MARCHF1: variants seen among roughly 807,000 people sequenced by gnomAD.
MARCHF1 encodes the protein E3 ubiquitin-protein ligase MARCHF1.
Under a neutral mutation model 54.2 loss-of-function variants are expected in MARCHF1, and 40 were observed. The ratio of observed to expected loss-of-function variants is 0.74; its 90% confidence interval spans 0.57 to 0.96. The LOEUF (loss-of-function observed/expected upper bound fraction) is 0.96. Ranked by LOEUF, MARCHF1 falls within the 40% of genes least tolerant of loss-of-function variation. The pLI is 0.00. For missense variants in MARCHF1, 586 were observed against 656.5 expected (o/e 0.89, Z 1.17); for synonymous variants, 236 against 236.3 (o/e 1.00, Z 0.01).
At chr4:163,789,686 A>G (rs957428833) in intron 4 of MARCHF1, among the ~76,000 whole-genome samples, 1 of 151,982 alleles carries the variant, frequency 6.6e-6, no homozygotes, top group African/African-American at 2.4e-5. Context: ...ATACATGCCT[A>G]TGAAAAAGTT....
chr4:163,572,088 A>G (rs546014285), intron 8 of MARCHF1, among the ~76,000 whole-genome samples: 5 of 152,158 alleles, frequency 3.3e-5, no homozygotes, highest in Non-Finnish European at 4.4e-5. Flanking sequence ...AAATTTAAAA[A>G]AATATATAGA....
At chr4:163,915,941 C>G (rs906440512) in intron 3 of MARCHF1, among the ~76,000 whole-genome samples, 21 of 152,076 alleles carry the variant, frequency 1.4e-4, no homozygotes, top group African/African-American at 5.1e-4. Flanking sequence ...ATTTAAGAAC[C>G]TGAATATAGA....
At chr4:164,083,759 T>G (rs1755144992) in intron 2 of MARCHF1, among the ~76,000 whole-genome samples, 1 of 151,992 alleles carries the variant, frequency 6.6e-6, no homozygotes, top group African/African-American at 2.4e-5. Context: ...TTCAGTCACA[T>G]TTTCAAAAAC....
At chr4:164,047,915 C>T (rs1754275793) in intron 2 of MARCHF1, among the ~76,000 whole-genome samples, 2 of 152,078 alleles carry the variant, frequency 1.3e-5, no homozygotes, top group Admixed American at 1.3e-4. Context: ...ATTTGTAGCT[C>T]CATGAGAAAT....
At chr4:163,558,045 T>C (rs17657218) in intron 8 of MARCHF1, among the ~76,000 whole-genome samples, 4,127 of 152,162 alleles carry the variant, frequency 0.027, 109 homozygotes, top group East Asian at 0.13. Flanking sequence ...AAAGAAAAAT[T>C]TGGGTTCTGT....
intron 4 of MARCHF1, among the ~76,000 whole-genome samples, chr4:163,745,988 G>A (rs547164420): frequency 6.6e-6 from 1 of 152,174 alleles, no homozygotes; most frequent in East Asian, 1.9e-4. Context: ...TGGTACATTT[G>A]TTACATCAGT....
At chr4:163,792,334 C>T (rs1293716071) in intron 4 of MARCHF1, among the ~76,000 whole-genome samples, 1 of 152,096 alleles carries the variant, frequency 6.6e-6, no homozygotes, top group Non-Finnish European at 1.5e-5. Flanking sequence ...ATTAAATGGT[C>T]ATCTTAATTT....
intron 5 of MARCHF1, among the ~76,000 whole-genome samples, chr4:163,615,214 G>T (rs139525163): frequency 1.3e-5 from 2 of 152,152 alleles, no homozygotes; most frequent in Non-Finnish European, 2.9e-5. Context: ...CCCTATGATA[G>T]TAGTTATAGG....
intron 1 of MARCHF1, among the ~76,000 whole-genome samples, chr4:164,382,999 C>A (rs1731420170): frequency 6.6e-6 from 1 of 152,222 alleles, no homozygotes; most frequent in Non-Finnish European, 1.5e-5. Context: ...TTCCATTCAC[C>A]TGTCACAAAT....
chr4:163,670,904 G>A (rs1350132548), intron 5 of MARCHF1, among the ~76,000 whole-genome samples: 2 of 152,196 alleles, frequency 1.3e-5, no homozygotes, highest in East Asian at 3.9e-4. Context: ...GCCTAGCAAT[G>A]GTGAATTTGT....
At chr4:164,362,310 T>G (rs1443559780) in intron 1 of MARCHF1, among the ~76,000 whole-genome samples, 1 of 152,292 alleles carries the variant, frequency 6.6e-6, no homozygotes, top group African/African-American at 2.4e-5. Flanking sequence ...TGTCCAACTT[T>G]CTATTACTTG....
intron 3 of MARCHF1, among the ~76,000 whole-genome samples, chr4:163,917,831 A>T: frequency 6.6e-6 from 1 of 152,062 alleles, no homozygotes; most frequent in Non-Finnish European, 1.5e-5. Context: ...AATTGCAAAA[A>T]TTTTCTCCCA....
chr4:164,375,781 C>T (rs948585664), intron 1 of MARCHF1, among the ~76,000 whole-genome samples: 3 of 152,232 alleles, frequency 2.0e-5, no homozygotes, highest in African/African-American at 7.2e-5. Flanking sequence ...CACACTCCCT[C>T]TGACTGTGAG....
At chr4:163,574,878 G>A (rs994449110) in intron 8 of MARCHF1, among the ~76,000 whole-genome samples, 1 of 151,342 alleles carries the variant, frequency 6.6e-6, no homozygotes, top group Non-Finnish European at 1.5e-5. Flanking sequence ...TGATGGGGAT[G>A]GCATTGAATC....
At chr4:164,042,740 G>A (rs1261658043) in intron 2 of MARCHF1, among the ~76,000 whole-genome samples, 2 of 152,262 alleles carry the variant, frequency 1.3e-5, no homozygotes, top group Admixed American at 6.5e-5. Context: ...TCTGAGACAA[G>A]GTAATTCTCT....
At chr4:163,866,871 A>G (rs1750063349) in intron 3 of MARCHF1, among the ~76,000 whole-genome samples, 1 of 151,966 alleles carries the variant, frequency 6.6e-6, no homozygotes, top group South Asian at 2.1e-4. Flanking sequence ...AAGCCTTTCA[A>G]AAGTGAAACT....
chr4:164,362,052 C>T (rs1730735845), intron 1 of MARCHF1, among the ~76,000 whole-genome samples: 1 of 151,904 alleles, frequency 6.6e-6, no homozygotes, highest in Admixed American at 6.6e-5. Context: ...TCATATTTTT[C>T]CCTCAGTAAA....
Position 164,274,122 on chromosome 4 carries a change from T to C in MARCHF1, c.-323+109748A>G, listed in dbSNP as rs551820376. Among the ~76,000 whole-genome samples, 22 of 152,230 alleles carry C rather than the reference T, an allele frequency of 1.4e-4. No individual in the cohort carries two copies. In the South Asian group the frequency reaches 4.6e-3, roughly 32 times the overall value. On this transcript the variant is annotated intron_variant, in intron 1 of 9. Transcript: ENST00000514618. ...AAAGTTAAAATTACCTAGTCTACAA[T>C]TAACTAGACAGTGATGGTAAATCAT...
intron 5 of MARCHF1, among the ~76,000 whole-genome samples, chr4:163,675,810 T>C (rs916647347): frequency 6.6e-6 from 1 of 152,182 alleles, no homozygotes; most frequent in African/African-American, 2.4e-5. Flanking sequence ...TGGAGTTTAC[T>C]GTTCCCTGCT....
Sources: gnomAD v4.1 joint callset for allele counts (sites outside exome capture counted in the v4.1 genomes callset) on GRCh38, gnomAD v4.1.1 for gene constraint, MANE v1.5 for transcripts, NCBI Gene and HGNC (gene_info 2026-07-23, HGNC 2026-07-21) for gene names.